Variants in MGAT5 observed in about 807,000 individuals in gnomAD.
MGAT5 encodes alpha-1,6-mannosylglycoprotein 6-beta-N-acetylglucosaminyltransferase A.
MGAT5 carries 30 observed loss-of-function variants against 94.3 expected under a neutral mutation model. That is an observed-to-expected ratio of 0.32 (90% CI 0.24 to 0.43). The LOEUF is 0.43. Among genes scored for constraint, MGAT5 ranks in the 20% least tolerant of loss-of-function variants. The pLI is 1.00. For synonymous variants in MGAT5, 310 were observed against 322.9 expected, an observed-to-expected ratio of 0.96 and a Z score of 0.43; for missense variants, 691 against 905.5, an observed-to-expected ratio of 0.76 and a Z score of 3.04.
intron 1 of MGAT5, among the ~76,000 whole-genome samples, chr2:134,129,694 C>CT (rs1448249667): frequency 2.1e-5 from 3 of 143,430 alleles, no homozygotes; most frequent in South Asian, 4.4e-4. Flanking sequence ...TTTTTTTTTA[C>CT]TTTTTTTACT....
intron 10 of MGAT5, among the ~76,000 whole-genome samples, chr2:134,381,396 AGAT>A (rs879353119): frequency 0.12 from 13,991 of 112,082 alleles, 763 homozygotes; most frequent in Middle Eastern, 0.27. Context: ...ATAGATAGAT[AGAT>A]AGATAGATAG....
At chr2:134,362,252 C>T (rs748235231) in intron 9 of MGAT5, 23 bp from the exon 10 acceptor site, 6 of 1,609,452 alleles carry the variant, frequency 3.7e-6, no homozygotes, top group African/African-American at 1.3e-5. Context: ...ACTAACTGTC[C>T]TCTCCATTTC....
At chr2:134,332,658 G>A (rs961787724) in intron 4 of MGAT5, among the ~76,000 whole-genome samples, 133 of 151,342 alleles carry the variant, frequency 8.8e-4, no homozygotes, top group South Asian at 4.6e-3. Flanking sequence ...GGCAACCTAC[G>A]AAATGGGAGA....
chr2:134,156,162 G>A (rs1429642618), intron 1 of MGAT5, among the ~76,000 whole-genome samples: 2 of 152,170 alleles, frequency 1.3e-5, no homozygotes, highest in Non-Finnish European at 2.9e-5. Flanking sequence ...CAGCTTGTGC[G>A]CTTCTGCACA....
intron 10 of MGAT5, among the ~76,000 whole-genome samples, chr2:134,383,126 C>T (rs1224123743): frequency 6.6e-6 from 1 of 152,210 alleles, no homozygotes. Context: ...AGTATTTTTA[C>T]ACTTACCTGA....
intron 1 of MGAT5, among the ~76,000 whole-genome samples, chr2:134,244,637 C>G (rs1268041565): frequency 1.3e-5 from 2 of 152,172 alleles, no homozygotes; most frequent in African/African-American, 4.8e-5. Context: ...GATGGACTCC[C>G]AGGTTCACCT....
chr2:134,124,894 T>C (rs1019093266), intron 1 of MGAT5, among the ~76,000 whole-genome samples: 5 of 152,242 alleles, frequency 3.3e-5, no homozygotes, highest in African/African-American at 1.2e-4. Context: ...CTGTTTGAAC[T>C]TCACGCTTTA....
chr2:134,147,187 A>G (rs1427369450), intron 1 of MGAT5, among the ~76,000 whole-genome samples: 1 of 152,218 alleles, frequency 6.6e-6, no homozygotes, highest in African/African-American at 2.4e-5. Flanking sequence ...AAATGGGATA[A>G]TGGTACAGCA....
intron 4 of MGAT5, among the ~76,000 whole-genome samples, chr2:134,330,320 C>T (rs1254058316): frequency 6.6e-6 from 1 of 152,074 alleles, no homozygotes; most frequent in Non-Finnish European, 1.5e-5. Context: ...TTTGACTGAT[C>T]CCAGATTCAG....
At chr2:134,245,137 C>T (rs923205661) in intron 1 of MGAT5, among the ~76,000 whole-genome samples, 15 of 152,236 alleles carry the variant, frequency 9.9e-5, no homozygotes, top group East Asian at 5.8e-4. Context: ...CTCAGCCTCC[C>T]GAGTAGCTGG....
At chr2:134,414,450 C>T (rs955965203) in intron 12 of MGAT5, among the ~76,000 whole-genome samples, 8 of 151,932 alleles carry the variant, frequency 5.3e-5, no homozygotes, top group African/African-American at 1.9e-4. Context: ...TGGAGTTTGG[C>T]GGGGGGAAAG....
intron 9 of MGAT5, among the ~76,000 whole-genome samples, chr2:134,360,912 C>A (rs956574606): frequency 6.6e-6 from 1 of 152,258 alleles, no homozygotes; most frequent in Non-Finnish European, 1.5e-5. Context: ...CATTCTGTCA[C>A]CCCCATCAGG....
chr2:134,191,255 A>G (rs965104582), intron 1 of MGAT5, among the ~76,000 whole-genome samples: 2 of 152,262 alleles, frequency 1.3e-5, no homozygotes, highest in Non-Finnish European at 2.9e-5. Context: ...AGCATGGGGT[A>G]TTGTCATGGT....
intron 1 of MGAT5, among the ~76,000 whole-genome samples, chr2:134,130,159 G>T: frequency 1.3e-5 from 2 of 149,858 alleles, no homozygotes; most frequent in East Asian, 4.0e-4. Flanking sequence ...CCATCTTCCC[G>T]CGGGGCAGGG....
chr2:134,410,944 A>G (rs1013964824), intron 11 of MGAT5, among the ~76,000 whole-genome samples: 17 of 152,144 alleles, frequency 1.1e-4, no homozygotes, highest in African/African-American at 3.9e-4. Context: ...GGCCTGACAG[A>G]GGTCATTTGT....
chr2:134,177,296 G>A (rs1489111013), intron 1 of MGAT5, among the ~76,000 whole-genome samples: 1 of 152,146 alleles, frequency 6.6e-6, no homozygotes, highest in Non-Finnish European at 1.5e-5. Context: ...CCAGGCTTTA[G>A]GCCTTGACTT....
chr2:134,428,593 G>C (rs1372382251), intron 14 of MGAT5, among the ~76,000 whole-genome samples, 154 bp downstream of exon 14: 2 of 152,122 alleles, frequency 1.3e-5, no homozygotes, highest in African/African-American at 4.8e-5. Context: ...CACTGTCATG[G>C]TCACCCAAGA....
chr2:134,437,901 G>C (rs1280826071), intron 14 of MGAT5, among the ~76,000 whole-genome samples: 1 of 151,864 alleles, frequency 6.6e-6, no homozygotes, highest in East Asian at 1.9e-4. Flanking sequence ...TGTAACCCCA[G>C]GTACTCAGGA....
At chr2:134,260,702 C>CTTTTTTTTTTTT (rs3838494) in intron 1 of MGAT5, among the ~76,000 whole-genome samples, 1 of 127,068 alleles carries the variant, frequency 7.9e-6, no homozygotes, top group African/African-American at 2.9e-5. Flanking sequence ...TTTTCTTTTT[C>CTTTTTTTTTTTT]TTTTTTTTTT....
Sources: gnomAD v4.1 joint callset for allele counts (sites outside exome capture counted in the v4.1 genomes callset) on GRCh38, gnomAD v4.1.1 for gene constraint, MANE v1.5 for transcripts, NCBI Gene and HGNC (gene_info 2026-07-23, HGNC 2026-07-21) for gene names.